The following IMPDH2 variants were observed in gnomAD, a reference collection of about 807,000 sequenced individuals.
The protein encoded by IMPDH2 is inosine-5'-monophosphate dehydrogenase 2.
A neutral mutation model predicts 57.8 loss-of-function variants in IMPDH2; 33 were observed. The ratio of observed to expected loss-of-function variants is 0.57; its 90% CI spans 0.43 to 0.76. The LOEUF (loss-of-function observed/expected upper bound fraction) is 0.76, where lower values mean the gene tolerates loss of function less well. Ranked by LOEUF, IMPDH2 falls within the 30% of genes least tolerant of loss-of-function variation. The pLI, the probability that IMPDH2 is intolerant of heterozygous loss-of-function variation, is 0.00. For missense variants in IMPDH2, 446 were observed against 659.1 expected (o/e 0.68, Z 3.54); for synonymous variants, 270 against 241.3 (o/e 1.12, Z -1.10).
chr3:49,028,408 C>T lies in IMPDH2; in HGVS notation c.249+23G>A, dbSNP rs1419338808. The T allele has an allele frequency of 4.4e-6, 7 of 1,606,960 alleles. No individual in the cohort carries two copies. In the African/African-American group the frequency reaches 5.3e-5, roughly 12 times the overall value. On this transcript the variant is annotated intron_variant, in intron 3 of 13. Transcript: ENST00000326739. Reference sequence around the variant, plus strand: ...AAAGGCGATGGAGTCCTTGCTCCTTCCCCCACACCCCATGGGGCTCACCGC... The same window carrying T: ...AAAGGCGATGGAGTCCTTGCTCCTTTCCCCACACCCCATGGGGCTCACCGC...
In IMPDH2 at chr3:49,026,239, A is replaced by G. The variant is rs1323205901; in HGVS notation, c.1006+85T>C. On this transcript the variant is annotated intron_variant, in intron 9 of 13. Transcript: ENST00000326739. ...AGGGTTGCCCCTATTGGAGGGCTCT[A>G]TTGTCCCCATAAGAGTGCTTGGTTC... is the stretch of plus-strand genomic sequence containing the variant. The G allele has an allele frequency of 3.2e-5, 33 of 1,036,580 alleles. No homozygotes were observed. In the Middle Eastern group the frequency reaches 8.0e-4, roughly 25 times the overall value. The allele number at this position is 1,036,580 out of a possible 1,614,324, so 64.2% of individuals were successfully genotyped here. A position where few individuals can be genotyped will look rare whatever the true frequency, so the allele number is the denominator to read the frequency against.
At chr3:49,028,846 C>CTTAGG in intron 1 of IMPDH2, 40 bp from the exon 2 acceptor site, 1 of 1,538,842 alleles carries the variant, frequency 6.5e-7, no homozygotes, top group South Asian at 1.1e-5. Flanking sequence ...AAGCTCTCAG[C>CTTAGG]TTAGGGCAGC....
At chr3:49,026,183 T>C in intron 9 of IMPDH2, 141 bp downstream of exon 9, 1 of 703,146 alleles carries the variant, frequency 1.4e-6, no homozygotes, top group East Asian at 2.7e-5. Context: ...CTTCCAGCCA[T>C]GTCACCCATC....
At chr3:49,027,429 G>C (rs1414532449) in intron 5 of IMPDH2, among the ~76,000 whole-genome samples, 2 of 152,182 alleles carry the variant, frequency 1.3e-5, no homozygotes, top group African/African-American at 4.8e-5. Flanking sequence ...GGAATAAGGA[G>C]GACAACACAG....
chr3:49,025,522 A>C, intron 9 of IMPDH2: 1 of 508,704 alleles, frequency 2.0e-6, no homozygotes, highest in South Asian at 2.1e-5. Context: ...AGGCACATGC[A>C]GTCTTAGCAG....
chr3:49,026,089 A>G, intron 9 of IMPDH2: 1 of 642,522 alleles, frequency 1.6e-6, no homozygotes, highest in Non-Finnish European at 2.9e-6. Flanking sequence ...AACAGACCAG[A>G]GTTTAGAGAA....
At chr3:49,025,357 T>C in intron 9 of IMPDH2, 88 bp from the exon 10 acceptor site, 2 of 1,415,012 alleles carry the variant, frequency 1.4e-6, no homozygotes, top group Non-Finnish European at 2.0e-6. Context: ...CAGGAGCTTT[T>C]GGCTACATCT....
In IMPDH2 at chr3:49,027,805, C is replaced by T; in HGVS notation, c.436G>A (p.Asp146Asn). 1 of 1,614,214 alleles carries T rather than the reference C, an allele frequency of 6.2e-7. No homozygotes were observed. Among genetic ancestry groups the T allele is most frequent in the Non-Finnish European group, 8.5e-7 (1 of 1,180,032 alleles). ...AAGCGGCTCCCCATCCGGCCTGTGTCTGTGATTGGGATACCGCAGAAACCA... is the reference window on the plus strand; with the variant it reads ...AAGCGGCTCCCCATCCGGCCTGTGTTTGTGATTGGGATACCGCAGAAACCA... ...RHGFCGIPIT[D>N]TGRMGSRLVG... Residue 146 changes from aspartate to asparagine, a missense_variant, in exon 5 of 14, where the codon GAC becomes AAC. Asp to Asn is a conservative substitution (Grantham distance 23). Coordinates refer to ENST00000326739, the MANE Select transcript of IMPDH2 (RefSeq NM_000884.3).
chr3:49,027,485 C>T (rs2093204463), intron 5 of IMPDH2, among the ~76,000 whole-genome samples: 1 of 152,168 alleles, frequency 6.6e-6, no homozygotes, highest in African/African-American at 2.4e-5. Context: ...ACTGCCCCTA[C>T]CTTAGGGGTT....
chr3:49,028,054 C>T, intron 4 of IMPDH2, 138 bp from the exon 5 acceptor site: 1 of 805,436 alleles, frequency 1.2e-6, no homozygotes, highest in South Asian at 1.6e-5. Context: ...ATCTTAGAGA[C>T]ATGGGTAGGC....
At position 49,026,738 on chromosome 3, in the gene IMPDH2, G is replaced by T; in HGVS notation, c.768C>A (p.Asp256Glu). ...GGGCGAGCAAGTCCAGCCTATACTT[G>T]TCATCCTCATGAGTGCCAATGGCTG... ...CGAAIGTHED[D>E]KYRLDLLAQA... Residue 256 changes from aspartate to glutamate, a missense_variant, in exon 7 of 14, where the codon GAC (aspartate) becomes GAA (glutamate). Asp to Glu is a conservative substitution (Grantham distance 45, BLOSUM62 2). Transcript: ENST00000326739. 6.2e-7 allele frequency: 1 copy of T among 1,614,200 alleles called. No homozygotes were observed. The highest frequency in any genetic ancestry group is 8.5e-7 in the Non-Finnish European group (1 of 1,180,044).
At chr3:49,027,182 G>A in intron 5 of IMPDH2, 135 bp from the exon 6 acceptor site, 1 of 720,194 alleles carries the variant, frequency 1.4e-6, no homozygotes, top group Non-Finnish European at 2.5e-6. Context: ...TTTTAGTAGA[G>A]ACGGGGTTTC....
rs750672500 is a variant in IMPDH2, at chr3:49,026,926, T to G, written c.619+34A>C. 1.9e-6 allele frequency: 3 copies of G among 1,613,356 alleles called. No homozygotes were observed. The South Asian group carries it at 3.3e-5, about 18-fold the overall frequency. ...GGACATGAATCAGGACCCTAGGCAT[T>G]AGTTCCAGGCCCTTTCCCAGCTCTA... On this transcript the variant is annotated intron_variant, in intron 6 of 13. Coordinates refer to ENST00000326739, the MANE Select transcript of IMPDH2 (RefSeq NM_000884.3).
intron 11 of IMPDH2, 44 bp downstream of exon 11, chr3:49,024,852 G>C (rs72624917): frequency 6.2e-7 from 1 of 1,614,042 alleles, no homozygotes; most frequent in Non-Finnish European, 8.5e-7. Flanking sequence ...AGATGAGACT[G>C]TCAGTGCAGG....
chr3:49,028,225 C>G, intron 4 of IMPDH2, 23 bp downstream of exon 4: 1 of 1,602,670 alleles, frequency 6.2e-7, no homozygotes, highest in South Asian at 1.1e-5. Flanking sequence ...GGAGCGCTTG[C>G]TAATGATCGT....
chr3:49,028,412 C>G lies in IMPDH2; in HGVS notation c.249+19G>C, dbSNP rs765735795. 1 of 1,611,380 alleles carries G rather than the reference C, an allele frequency of 6.2e-7. No individual in the cohort carries two copies. Among genetic ancestry groups the G allele is most frequent in the South Asian group, 1.1e-5 (1 of 91,028 alleles). On this transcript the variant is annotated intron_variant, in intron 3 of 13. Coordinates refer to ENST00000326739, the MANE Select transcript of IMPDH2 (RefSeq NM_000884.3). ...GCGATGGAGTCCTTGCTCCTTCCCC[C>G]ACACCCCATGGGGCTCACCGCCATT...
In IMPDH2 at chr3:49,024,798, C is replaced by G; in HGVS notation, c.1300G>C (p.Ala434Pro). The G allele has an allele frequency of 6.2e-7, 1 of 1,614,200 alleles. No homozygotes were observed. Among genetic ancestry groups the G allele is most frequent in the Non-Finnish European group, 8.5e-7 (1 of 1,180,026 alleles). Residue 434 changes from alanine (A) to proline (P), a missense_variant, in exon 12 of 14, where the codon GCT (alanine) becomes CCT (proline). Physicochemically the swap from Ala to Pro is conservative, Grantham distance 27 (BLOSUM62 -1). Coordinates refer to ENST00000326739, the MANE Select transcript of IMPDH2 (RefSeq NM_000884.3). ...CCCTGGGCCACTTTGATTTTGTCAG[C>G]TTCACTGCAGGGAGAGGCAGAGACA... ...LSSQNRYFSE[A>P]DKIKVAQGVS...
intron 7 of IMPDH2, 34 bp from the exon 8 acceptor site, chr3:49,026,643 G>A: frequency 1.2e-6 from 2 of 1,611,250 alleles, no homozygotes; most frequent in Non-Finnish European, 1.7e-6. Context: ...ACTGTGATGT[G>A]GCAGCTGCCC....
At chr3:49,028,144 G>T in intron 4 of IMPDH2, 104 bp downstream of exon 4, 2 of 1,027,296 alleles carry the variant, frequency 1.9e-6, no homozygotes, top group South Asian at 1.3e-5. Context: ...TGAACCCCAT[G>T]GTGGGAAGAA....
Sources: allele counts gnomAD v4.1 joint callset (sites outside exome capture counted in the v4.1 genomes callset), GRCh38; gene constraint gnomAD v4.1.1; transcripts MANE v1.5; gene names NCBI Gene and HGNC (gene_info 2026-07-23, HGNC 2026-07-21).